Variants in FBXL17 observed in about 807,000 individuals in gnomAD.
FBXL17 encodes F-box and leucine rich repeat protein 17.
A neutral mutation model predicts 66.2 loss-of-function variants in FBXL17; 22 were observed. The observed-to-expected ratio is 0.33, with a 90% CI of 0.24 to 0.47. The LOEUF (loss-of-function observed/expected upper bound fraction) is 0.47. Ranked by LOEUF, FBXL17 falls within the 20% of genes least tolerant of loss-of-function variation. FBXL17 has a pLI of 1.00. For synonymous variants in FBXL17, 474 were observed against 400.5 expected, an observed-to-expected ratio of 1.18 and a Z score of -2.19; for missense variants, 878 against 948.2, an observed-to-expected ratio of 0.93 and a Z score of 0.97.
At position 107,998,688 on chromosome 5, in the gene FBXL17, G is replaced by A. The variant is rs1038196937; in HGVS notation, c.1822+22237C>T. On this transcript the variant is annotated intron_variant, in intron 7 of 8. Transcript: ENST00000542267. Reference sequence around the variant, plus strand: ...GTCAGAAAGTCAAAAGCAAAAACCCGAGAAACCTGAAATTTCTCATCCTCA... The same window carrying A: ...GTCAGAAAGTCAAAAGCAAAAACCCAAGAAACCTGAAATTTCTCATCCTCA... Among the ~76,000 whole-genome samples, 29 of 152,002 alleles carry A rather than the reference G, an allele frequency of 1.9e-4. 1 individual carries two copies. The highest frequency in any genetic ancestry group is 6.3e-4 in the African/African-American group (26 of 41,478).
chr5:108,215,217 T>C (rs1754548322), intron 5 of FBXL17, among the ~76,000 whole-genome samples: 1 of 152,242 alleles, frequency 6.6e-6, no homozygotes, highest in Admixed American at 6.5e-5. Flanking sequence ...ATTATTTTGA[T>C]TCTATACTTA....
intron 2 of FBXL17, 41 bp from the exon 3 acceptor site, chr5:108,365,036 A>AC: frequency 6.9e-7 from 1 of 1,446,062 alleles, no homozygotes; most frequent in Non-Finnish European, 9.4e-7. Flanking sequence ...TTTGCTAAAA[A>AC]TAAAAACGTA....
chr5:107,882,155 A>G (rs1167390633), intron 7 of FBXL17, among the ~76,000 whole-genome samples: 1 of 152,230 alleles, frequency 6.6e-6, no homozygotes, highest in East Asian at 1.9e-4. Context: ...CAAAAAGAAA[A>G]GAGAAATGGT....
At chr5:108,379,755 T>C (rs533371519) in intron 1 of FBXL17, among the ~76,000 whole-genome samples, 2 of 152,308 alleles carry the variant, frequency 1.3e-5, no homozygotes, top group East Asian at 3.9e-4. Flanking sequence ...AAGTTAATAA[T>C]AACTTAATAA....
intron 6 of FBXL17, among the ~76,000 whole-genome samples, chr5:108,065,871 A>G (rs1748097975): frequency 6.6e-6 from 1 of 152,186 alleles, no homozygotes; most frequent in African/African-American, 2.4e-5. Context: ...GGACTATCTG[A>G]ACCGGAAATC....
chr5:108,231,280 C>A (rs1008752237), intron 4 of FBXL17, among the ~76,000 whole-genome samples: 1 of 152,142 alleles, frequency 6.6e-6, no homozygotes, highest in Non-Finnish European at 1.5e-5. Flanking sequence ...ACACTTTCAT[C>A]ACACCACCCA....
intron 5 of FBXL17, among the ~76,000 whole-genome samples, chr5:108,199,364 A>G (rs1753799708): frequency 6.6e-6 from 1 of 152,194 alleles, no homozygotes; most frequent in African/African-American, 2.4e-5. Flanking sequence ...CTTTAGTCAA[A>G]TATTTTTCTT....
At chr5:108,244,523 G>A (rs1444557380) in intron 4 of FBXL17, among the ~76,000 whole-genome samples, 2 of 152,076 alleles carry the variant, frequency 1.3e-5, no homozygotes, top group Non-Finnish European at 2.9e-5. Flanking sequence ...TATACAATGC[G>A]CTTAACAAGG....
chr5:108,240,864 GAGAGAC>G (rs1755825191), intron 4 of FBXL17, among the ~76,000 whole-genome samples: 1 of 152,160 alleles, frequency 6.6e-6, no homozygotes, highest in Non-Finnish European at 1.5e-5. Context: ...AGTGCAGGGA[GAGAGAC>G]AGAGAGAGAG....
At chr5:108,164,442 T>G (rs1367839748) in intron 6 of FBXL17, among the ~76,000 whole-genome samples, 1 of 152,184 alleles carries the variant, frequency 6.6e-6, no homozygotes, top group Non-Finnish European at 1.5e-5. Context: ...TCTGCTTTAT[T>G]TAACCTAATT....
intron 6 of FBXL17, among the ~76,000 whole-genome samples, chr5:108,077,557 T>TGAGG (rs1376347214): frequency 6.0e-5 from 9 of 151,012 alleles, no homozygotes; most frequent in Non-Finnish European, 1.2e-4. Context: ...CAGCTACATA[T>TGAGG]GAGGCTGAGG....
In FBXL17 at chr5:107,859,819, T is replaced by C. The variant is rs1042838287; in HGVS notation, c.*1901A>G. 2 of 152,184 alleles carry C rather than the reference T, an allele frequency of 1.3e-5. No individual in the cohort carries two copies. The highest frequency in any genetic ancestry group is 2.4e-5 in the African/African-American group (1 of 41,446). 9.4% of individuals were successfully genotyped at this position (152,184 alleles called of 1,614,324 possible). On this transcript the variant is annotated 3_prime_UTR_variant, in exon 9 of 9. Coordinates refer to ENST00000542267, the MANE Select transcript of FBXL17 (RefSeq NM_001163315.3). ...ATATTCACTCAAGCTACTATTACTA[T>C]ACATACTGTCTTATAAATTAGTTTT... is the stretch of plus-strand genomic sequence containing the variant.
At chr5:108,080,747 T>C (rs190643032) in intron 6 of FBXL17, among the ~76,000 whole-genome samples, 2 of 152,146 alleles carry the variant, frequency 1.3e-5, no homozygotes, top group African/African-American at 2.4e-5. Context: ...TGGCAATTGG[T>C]TGAAGGAGTT....
intron 4 of FBXL17, among the ~76,000 whole-genome samples, chr5:108,291,816 G>A (rs1024371022): frequency 2.0e-5 from 3 of 152,124 alleles, no homozygotes; most frequent in Admixed American, 6.5e-5. Flanking sequence ...AAACCCAGCA[G>A]TCAGTCTTGA....
At chr5:108,170,562 C>A (rs1752569515) in intron 6 of FBXL17, among the ~76,000 whole-genome samples, 1 of 152,002 alleles carries the variant, frequency 6.6e-6, no homozygotes, top group African/African-American at 2.4e-5. Context: ...AGACAAGAGT[C>A]TCACTCTGTC....
At chr5:108,048,763 G>T (rs557278278) in intron 6 of FBXL17, among the ~76,000 whole-genome samples, 2 of 152,242 alleles carry the variant, frequency 1.3e-5, no homozygotes, top group South Asian at 4.2e-4. Flanking sequence ...AGAGAAAAAA[G>T]AATGAAAAGG....
At chr5:108,009,261 T>TTATATATATATATATATATATA (rs375853217) in intron 7 of FBXL17, among the ~76,000 whole-genome samples, 2 of 20,864 alleles carry the variant, frequency 9.6e-5, no homozygotes, top group Non-Finnish European at 1.7e-4. Flanking sequence ...GTTCCCTGTT[T>TTATATATATATATATATATATA]TATATATATA....
intron 6 of FBXL17, among the ~76,000 whole-genome samples, chr5:108,107,550 A>T (rs955103555): frequency 1.3e-5 from 2 of 151,946 alleles, no homozygotes; most frequent in Non-Finnish European, 2.9e-5. Flanking sequence ...CGGTGGCTCA[A>T]GCCTGTAATC....
intron 6 of FBXL17, among the ~76,000 whole-genome samples, chr5:108,093,280 TAA>T (rs201945319): frequency 4.2e-5 from 6 of 143,238 alleles, no homozygotes; most frequent in Non-Finnish European, 7.7e-5. Context: ...TTAATCTACT[TAA>T]AAAAAAAAAA....
Sources: gnomAD v4.1 joint callset for allele counts (sites outside exome capture counted in the v4.1 genomes callset) on GRCh38, gnomAD v4.1.1 for gene constraint, MANE v1.5 for transcripts, NCBI Gene and HGNC (gene_info 2026-07-23, HGNC 2026-07-21) for gene names.